ANKAR: variants seen among roughly 807,000 people sequenced by gnomAD.
ANKAR encodes ankyrin and armadillo repeat-containing protein.
A neutral mutation model predicts 146.2 loss-of-function variants in ANKAR; 136 were observed. The observed-to-expected ratio is 0.93, with a 90% CI of 0.81 to 1.07. The LOEUF is 1.07. Ranked by LOEUF, ANKAR falls within the 50% of genes least tolerant of loss-of-function variation. The pLI is 0.00. For synonymous variants in ANKAR, 500 were observed against 575.8 expected, an observed-to-expected ratio of 0.87 and a Z score of 1.88; for missense variants, 1,567 against 1,679.9, an observed-to-expected ratio of 0.93 and a Z score of 1.18.
intron 18 of ANKAR, among the ~76,000 whole-genome samples, chr2:189,756,226 C>G (rs892303698): frequency 2.0e-5 from 3 of 152,150 alleles, no homozygotes. Flanking sequence ...GTTTGGGAAT[C>G]TGGTGCTCAG....
intron 16 of ANKAR, 98 bp from the exon 17 acceptor site, chr2:189,733,009 A>G: frequency 8.4e-7 from 1 of 1,188,826 alleles, no homozygotes; most frequent in Non-Finnish European, 1.1e-6. Context: ...ATTTTATAGT[A>G]TCTTTCCACA....
intron 10 of ANKAR, 31 bp from the exon 11 acceptor site, chr2:189,719,541 C>A (rs746435919): frequency 1.3e-6 from 2 of 1,546,046 alleles, no homozygotes; most frequent in South Asian, 2.4e-5. Flanking sequence ...ATAATTCATG[C>A]TTTTTAATTT....
chr2:189,706,857 C>A, intron 8 of ANKAR, 81 bp from the exon 9 acceptor site: 4 of 1,022,600 alleles, frequency 3.9e-6, no homozygotes, highest in Non-Finnish European at 5.7e-6. Context: ...CAGACTACCT[C>A]CAATTGCAGC....
At chr2:189,740,400 C>A (rs537169379) in intron 19 of ANKAR, among the ~76,000 whole-genome samples, 1 of 152,202 alleles carries the variant, frequency 6.6e-6, no homozygotes, top group East Asian at 1.9e-4. Context: ...ATAATAGAGG[C>A]CAGACAAAAA....
intron 2 of ANKAR, among the ~76,000 whole-genome samples, chr2:189,687,823 T>C (rs112021536): frequency 2.6e-4 from 39 of 152,244 alleles, no homozygotes; most frequent in African/African-American, 9.4e-4. Flanking sequence ...TTTTTTCCTG[T>C]AGAATTGTTT....
rs577914447 is a variant in ANKAR at position 189,731,176 on chromosome 2, A to C, written c.3300+575A>C. On this transcript the variant is annotated intron_variant, in intron 16 of 22. Coordinates refer to ENST00000684021, the MANE Select transcript of ANKAR (RefSeq NM_001378068.1). ...TACTTCTACTAAAATGCCTTTAATAAAATGACATTTACATCTATTCAAATA... is the reference window on the plus strand; with the variant it reads ...TACTTCTACTAAAATGCCTTTAATACAATGACATTTACATCTATTCAAATA... Among the ~76,000 whole-genome samples the C allele has an allele frequency of 3.6e-4, 55 of 152,294 alleles. 1 individual carries two copies. The South Asian group carries it at 9.3e-3, about 26-fold the overall frequency.
At chr2:189,725,611 A>T (rs2041795993) in intron 12 of ANKAR, among the ~76,000 whole-genome samples, 1 of 152,212 alleles carries the variant, frequency 6.6e-6, no homozygotes, top group Non-Finnish European at 1.5e-5. Context: ...GGGTACCAAC[A>T]TAAGTAAGAA....
At position 189,744,722 on chromosome 2, in the gene ANKAR, C is replaced by T; in HGVS notation, c.4011-20C>T. The T allele has an allele frequency of 6.4e-7, 1 of 1,561,822 alleles. No homozygotes were observed. The highest frequency in any genetic ancestry group is 1.1e-5 in the South Asian group (1 of 87,852). On this transcript the variant is annotated intron_variant, in intron 21 of 22. Transcript: ENST00000684021. ...ATTATGTCTTCATTTATTTTAATGACAAAAATGTTTTCCTTTTAGTCTGGA... is the reference window on the plus strand; with the variant it reads ...ATTATGTCTTCATTTATTTTAATGATAAAAATGTTTTCCTTTTAGTCTGGA...
At position 189,744,371 on chromosome 2, in the gene ANKAR, T is replaced by C. The variant is rs931266752; in HGVS notation, c.4011-371T>C. ...TGGTTCAAGGAATTAAGATAAATAA[T>C]GTAAGTAGTATTTTACACAGTCACT... On this transcript the variant is annotated intron_variant, in intron 21 of 22. Coordinates refer to ENST00000684021, the MANE Select transcript of ANKAR (RefSeq NM_001378068.1). 1.2e-3 allele frequency among the ~76,000 whole-genome samples: 180 copies of C among 152,208 alleles called. 1 individual carries two copies. The highest frequency in any genetic ancestry group is 2.4e-4 in the Non-Finnish European group (16 of 68,038).
Position 189,719,755 on chromosome 2 carries a change from G to A in ANKAR, c.2408G>A (p.Cys803Tyr). Residue 803 changes from cysteine (C) to tyrosine (Y), a missense_variant, in exon 11 of 23, where the codon TGT becomes TAT. Coordinates refer to ENST00000684021, the MANE Select transcript of ANKAR (RefSeq NM_001378068.1). ...VCDEPEVHSR[C>Y]AVILYDIAQC... ...GATGAGCCTGAAGTACACTCTCGCT[G>A]TGCTGTCATTCTATATGATATTGCT... 1 of 1,613,250 alleles carries A rather than the reference G, an allele frequency of 6.2e-7. No individual in the cohort carries two copies. The highest frequency in any genetic ancestry group is 8.5e-7 in the Non-Finnish European group (1 of 1,179,292).
rs1440563447 is a variant in ANKAR at position 189,719,783 on chromosome 2, A to G, written c.2436A>G (p.Gln812=). The G allele has an allele frequency of 6.3e-7, 1 of 1,588,024 alleles. No homozygotes were observed. Among genetic ancestry groups the G allele is most frequent in the Non-Finnish European group, 8.6e-7 (1 of 1,160,010 alleles). The change falls in exon 11 of 23, where the codon CAA becomes CAG. Residue 812 remains glutamine, a synonymous_variant. Coordinates refer to ENST00000684021, the MANE Select transcript of ANKAR (RefSeq NM_001378068.1). The part of the protein sequence containing the change: ...RCAVILYDIA[Q]CENKDVIAKY... ...CTGTCATTCTATATGATATTGCTCA[A>G]TGTGAAAACAAGGATGTTATTGCCA...
intron 7 of ANKAR, among the ~76,000 whole-genome samples, chr2:189,697,413 A>G (rs545211273): frequency 2.3e-4 from 35 of 152,068 alleles, no homozygotes; most frequent in Non-Finnish European, 3.8e-4. Flanking sequence ...AGAAGTGGTG[A>G]TTTTATATTT....
At chr2:189,716,967 G>A (rs555171172) in intron 10 of ANKAR, among the ~76,000 whole-genome samples, 2 of 152,114 alleles carry the variant, frequency 1.3e-5, no homozygotes, top group Non-Finnish European at 2.9e-5. Context: ...TTAAATGTTA[G>A]ACCTGAAACC....
intron 10 of ANKAR, among the ~76,000 whole-genome samples, chr2:189,717,649 G>T (rs1048504885): frequency 1.3e-5 from 2 of 152,168 alleles, no homozygotes; most frequent in African/African-American, 4.8e-5. Context: ...TAGGTTTACT[G>T]TGGCACTATT....
intron 7 of ANKAR, among the ~76,000 whole-genome samples, chr2:189,703,936 C>T (rs2038453833): frequency 6.6e-6 from 1 of 152,084 alleles, no homozygotes; most frequent in Admixed American, 6.6e-5. Flanking sequence ...AGGGGAACTG[C>T]CCTCATGATC....
chr2:189,740,938 C>T (rs2043277558), intron 19 of ANKAR, among the ~76,000 whole-genome samples: 1 of 152,158 alleles, frequency 6.6e-6, no homozygotes, highest in South Asian at 2.1e-4. Context: ...AGGTGATCTG[C>T]CCACCTCGGT....
intron 7 of ANKAR, among the ~76,000 whole-genome samples, chr2:189,696,593 G>A (rs1225084024): frequency 1.3e-5 from 2 of 152,088 alleles, no homozygotes; most frequent in Non-Finnish European, 2.9e-5. Flanking sequence ...CTTCATTTGA[G>A]TATAAGCTCT....
At chr2:189,690,297 C>T (rs2036190805) in intron 3 of ANKAR, among the ~76,000 whole-genome samples, 1 of 152,108 alleles carries the variant, frequency 6.6e-6, no homozygotes, top group South Asian at 2.1e-4. Flanking sequence ...ATTCAGTGTA[C>T]TTCTATTCAA....
At chr2:189,698,407 A>C (rs561708494) in intron 7 of ANKAR, among the ~76,000 whole-genome samples, 48 of 152,162 alleles carry the variant, frequency 3.2e-4, no homozygotes, top group African/African-American at 1.1e-3. Flanking sequence ...AAGTTATTAT[A>C]ATATAAATTA....
Sources: gnomAD v4.1 joint callset for allele counts (sites outside exome capture counted in the v4.1 genomes callset) on GRCh38, gnomAD v4.1.1 for gene constraint, MANE v1.5 for transcripts, NCBI Gene and HGNC (gene_info 2026-07-23, HGNC 2026-07-21) for gene names.